The following CDH23 variants were observed in gnomAD, a reference collection of about 807,000 sequenced individuals.
The protein encoded by CDH23 is cadherin-23.
A neutral mutation model predicts 317.1 loss-of-function variants in CDH23; 189 were observed. The ratio of observed to expected loss-of-function variants is 0.60; its 90% CI spans 0.53 to 0.67. CDH23 has a LOEUF of 0.67. Ranked by LOEUF, CDH23 falls within the 30% of genes least tolerant of loss-of-function variation. CDH23 has a pLI of 0.00. For missense variants in CDH23, 4,401 were observed against 4,592.4 expected, an observed-to-expected ratio of 0.96 and a Z score of 1.20; for synonymous variants, 1,839 against 1,876.8, an observed-to-expected ratio of 0.98 and a Z score of 0.52.
At chr10:71,405,940 G>A (rs1848075891) in intron 1 of CDH23, among the ~76,000 whole-genome samples, 1 of 152,040 alleles carries the variant, frequency 6.6e-6, no homozygotes, top group African/African-American at 2.4e-5. Context: ...GCACTGCCCA[G>A]TAGAAAAATA....
intron 20 of CDH23, 55 bp from the exon 21 acceptor site, chr10:71,694,072 GCTCTCTCTCTTCTTCCCTCC>G (rs1589342065): frequency 1.7e-6 from 2 of 1,145,744 alleles, no homozygotes; most frequent in East Asian, 2.4e-5. Context: ...TCCTTCCCTC[GCTCTCTCTCTTCTTCCCTCC>G]CTCTCTCCCT....
intron 6 of CDH23, among the ~76,000 whole-genome samples, chr10:71,546,080 A>G (rs768731360): frequency 6.6e-6 from 1 of 151,350 alleles, no homozygotes; most frequent in East Asian, 2.0e-4. Flanking sequence ...TTCCCCTCTG[A>G]TCTGATGGCC....
At chr10:71,789,621 T>C (rs528705269) in intron 45 of CDH23, among the ~76,000 whole-genome samples, 22 of 152,314 alleles carry the variant, frequency 1.4e-4, no homozygotes, top group African/African-American at 5.1e-4. Context: ...CCCCCCTAGG[T>C]GAATTTCATT....
intron 3 of CDH23, among the ~76,000 whole-genome samples, chr10:71,470,192 A>G (rs2132084364): frequency 6.6e-6 from 1 of 152,142 alleles, no homozygotes; most frequent in Admixed American, 6.5e-5. Context: ...GTACCCTTTC[A>G]CCTTCCCACT....
intron 14 of CDH23, chr10:71,647,043 T>C: frequency 2.0e-6 from 2 of 985,458 alleles, no homozygotes. Flanking sequence ...TGCCCATGGC[T>C]GGACTTGCCC....
intron 19 of CDH23, among the ~76,000 whole-genome samples, chr10:71,689,958 A>G (rs1865125364): frequency 6.6e-6 from 1 of 152,184 alleles, no homozygotes; most frequent in Non-Finnish European, 1.5e-5. Flanking sequence ...AAAAGCTGAT[A>G]CCTTGAGTCA....
chr10:71,803,027 G>A lies in CDH23; in HGVS notation c.7612G>A (p.Glu2538Lys), dbSNP rs778178280. 5 of 1,613,798 alleles carry A rather than the reference G, an allele frequency of 3.1e-6. No individual in the cohort carries two copies. The South Asian group carries it at 4.4e-5, about 14-fold the overall frequency. Residue 2538 changes from glutamate to lysine, a missense_variant, in exon 54 of 70, where the codon GAA becomes AAA. Around this residue, in one of 3 missense-constraint regions of CDH23, gnomAD observed 1,144 missense variants for 1,138.2 expected, o/e 1.01. Coordinates refer to ENST00000224721, the MANE Select transcript of CDH23 (RefSeq NM_022124.6). The part of the protein sequence containing the change: ...VITMMATDQD[E>K]GPNGELTYSL... ...CACCATGATGGCCACTGACCAGGAT[G>A]AAGGTCCCAATGGAGAGTTGACCTA...
chr10:71,787,159 A>G (rs1384227108), intron 44 of CDH23, among the ~76,000 whole-genome samples: 1 of 152,138 alleles, frequency 6.6e-6, no homozygotes. Context: ...GTGAGATGGA[A>G]CAGGATTCAA....
intron 28 of CDH23, among the ~76,000 whole-genome samples, chr10:71,723,156 G>A (rs545782515): frequency 6.6e-6 from 1 of 152,302 alleles, no homozygotes; most frequent in South Asian, 2.1e-4. Context: ...AGAGCCCAGG[G>A]CCTTACAAAG....
intron 1 of CDH23, among the ~76,000 whole-genome samples, chr10:71,403,821 G>A (rs953845380): frequency 1.3e-5 from 2 of 152,090 alleles, no homozygotes; most frequent in Admixed American, 6.6e-5. Flanking sequence ...CAGGCACAGT[G>A]GCTCATGCCT....
At chr10:71,413,804 G>A (rs1270496788) in intron 1 of CDH23, among the ~76,000 whole-genome samples, 3 of 152,120 alleles carry the variant, frequency 2.0e-5, no homozygotes, top group African/African-American at 7.2e-5. Context: ...AAGCAGCTGA[G>A]ACTACAGGCA....
chr10:71,532,727 G>T (rs9663492), intron 6 of CDH23, among the ~76,000 whole-genome samples: 11,535 of 90,212 alleles, frequency 0.13, 603 homozygotes, highest in Non-Finnish European at 0.18. Flanking sequence ...TTTTTTTTTT[G>T]TTTTTTTTTT....
intron 38 of CDH23, among the ~76,000 whole-genome samples, chr10:71,777,019 C>A (rs1198742741): frequency 6.6e-6 from 1 of 152,224 alleles, no homozygotes; most frequent in Non-Finnish European, 1.5e-5. Context: ...CCAATTGACT[C>A]AAGCATTGGC....
intron 6 of CDH23, among the ~76,000 whole-genome samples, chr10:71,543,493 G>T (rs1005202064): frequency 6.6e-6 from 1 of 152,152 alleles, no homozygotes; most frequent in Non-Finnish European, 1.5e-5. Context: ...TGTCCATGCC[G>T]GGTGAATACA....
intron 11 of CDH23, among the ~76,000 whole-genome samples, chr10:71,618,611 G>T (rs111427810): frequency 1.4e-4 from 22 of 152,264 alleles, no homozygotes; most frequent in Non-Finnish European, 1.9e-4. Flanking sequence ...TGGGGCTGCC[G>T]CGGTGGCCTT....
chr10:71,491,007 CG>C (rs1274896153), intron 3 of CDH23, among the ~76,000 whole-genome samples: 1 of 151,808 alleles, frequency 6.6e-6, no homozygotes, highest in African/African-American at 2.4e-5. Context: ...GAGACTCCAT[CG>C]CAAAAAAAAT....
At chr10:71,448,306 T>C (rs1218669349) in intron 3 of CDH23, among the ~76,000 whole-genome samples, 1 of 152,230 alleles carries the variant, frequency 6.6e-6, no homozygotes, top group Non-Finnish European at 1.5e-5. Flanking sequence ...CAGCTCTGGC[T>C]CTTGATTGTC....
Position 71,793,582 on chromosome 10 carries a change from C to A in CDH23, c.6654C>A (p.Asp2218Glu), listed in dbSNP as rs537236734. 48 of 1,610,290 alleles carry A rather than the reference C, an allele frequency of 3.0e-5. No homozygotes were observed. In the East Asian group the frequency reaches 7.1e-4, roughly 24 times the overall value. Reference protein sequence around the residue: ...EYHIVGIVAKDDTDRLVPNQE... With the variant: ...EYHIVGIVAKEDTDRLVPNQE... ...ACATTGTCGGCATTGTGGCCAAGGA[C>A]GACACTGATCGCCTGGTGCCCAACC... Residue 2218 changes from aspartate (D) to glutamate (E), a missense_variant, in exon 48 of 70, where the codon GAC becomes GAA. Transcript: ENST00000224721.
intron 28 of CDH23, chr10:71,713,541 G>A (rs1012232020): frequency 4.0e-6 from 2 of 498,552 alleles, no homozygotes; most frequent in African/African-American, 1.9e-5. Flanking sequence ...TCGGGACCAG[G>A]AGGCGGGCAG....
Sources: gnomAD v4.1 joint callset for allele counts (sites outside exome capture counted in the v4.1 genomes callset) on GRCh38, gnomAD v4.1.1 for gene constraint, gnomAD v4.1.1 regional missense constraint, MANE v1.5 for transcripts, NCBI Gene and HGNC (gene_info 2026-07-23, HGNC 2026-07-21) for gene names.